The following TAS2R19 variants were observed in gnomAD, a reference collection of about 807,000 sequenced individuals.
The protein encoded by TAS2R19 is taste receptor type 2 member 19.
For synonymous variants in TAS2R19, 108 were observed against 123.4 expected (o/e 0.87, Z 0.83); for missense variants, 336 against 342.4 (o/e 0.98, Z 0.15).
Position 11,021,726 on chromosome 12 carries a change from T to A in TAS2R19, c.846A>T (p.Gly282=). 6.2e-7 allele frequency: 1 copy of A among 1,614,146 alleles called. No individual in the cohort carries two copies. Residue 282 remains glycine (G), a synonymous_variant, in exon 1 of 1, where the codon GGA becomes GGT. Coordinates refer to ENST00000390673, the MANE Select transcript of TAS2R19 (RefSeq NM_176888.2). ...GAAAGGTCTGTTTTAGCTTCCTACT[T>A]CCCATAATCAGGATGAATGAGTGGA... The part of the protein sequence containing the change: ...PSFHSFILIM[G]SRKLKQTFLS...
rs755234275 is a variant in TAS2R19 at position 11,022,240 on chromosome 12, G to T, written c.332C>A (p.Ala111Asp). ...GAGAGAAATAAGGTTGGAGAAATTG[G>T]CAATCTTGAGCAAACAAAATATGCT... The part of the protein sequence containing the change: ...SLSIFCLLKI[A>D]NFSNLISLHL... Residue 111 changes from alanine (A) to aspartate (D), a missense_variant, in exon 1 of 1, where the codon GCC (alanine) becomes GAC (aspartate). Transcript: ENST00000390673. 2.2e-5 allele frequency: 36 copies of T among 1,614,026 alleles called. No homozygotes were observed. Among genetic ancestry groups the T allele is most frequent in the Non-Finnish European group, 3.0e-5 (35 of 1,180,006 alleles).
At position 11,022,484 on chromosome 12, in the gene TAS2R19, C is replaced by G. The variant is rs148321574; in HGVS notation, c.88G>C (p.Val30Leu). ...GTGTTAACCCAGTCAATGACATTTA[C>G]TAGGGCTATGAAGCCATTGGCAACA... Reference protein sequence around the residue: ...GNVANGFIALVNVIDWVNTRK... With the variant: ...GNVANGFIALLNVIDWVNTRK... Residue 30 changes from valine (V) to leucine (L), a missense_variant, in exon 1 of 1, where the codon GTA becomes CTA. Physicochemically the swap from Val to Leu is conservative, Grantham distance 32. Transcript: ENST00000390673. 79 of 1,596,912 alleles carry G rather than the reference C, an allele frequency of 4.9e-5. No homozygotes were observed. In the Middle Eastern group the frequency reaches 6.7e-4, roughly 13 times the overall value.
In TAS2R19 at chr12:11,022,130, T is replaced by C. The variant is rs1179285466; in HGVS notation, c.442A>G (p.Thr148Ala). 1.2e-6 allele frequency: 2 copies of C among 1,613,780 alleles called. No individual in the cohort carries two copies. The change falls in exon 1 of 1, where the codon ACC becomes GCC. Residue 148 changes from threonine (T) to alanine (A), a missense_variant. By Grantham distance (58) the Thr-to-Ala change is moderately conservative. Transcript: ENST00000390673. ...VFLICNLAVI[T>A]MDERVWTKEY... ...TTTGTCCACACTCTCTCATCCATGGTTATCACAGCAAGATTACAAATCAGA... is the reference window on the plus strand; with the variant it reads ...TTTGTCCACACTCTCTCATCCATGGCTATCACAGCAAGATTACAAATCAGA...
In TAS2R19 at chr12:11,022,194, C is replaced by T; in HGVS notation, c.378G>A (p.Lys126=). ...CCAACAGTATCACCAGAACAACACT[C>T]TTAATTCTCTTCTTTAGGTGGAGAG... ...LISLHLKKRI[K]SVVLVILLGP... The change falls in exon 1 of 1, where the codon AAG becomes AAA. Residue 126 remains lysine (K), a synonymous_variant. Transcript: ENST00000390673. 6.2e-7 allele frequency: 1 copy of T among 1,614,114 alleles called. No homozygotes were observed. Among genetic ancestry groups the T allele is most frequent in the Non-Finnish European group, 8.5e-7 (1 of 1,179,988 alleles).
In TAS2R19 at chr12:11,022,311, G is replaced by C. The variant is rs569781992; in HGVS notation, c.261C>G (p.Ala87=). Reference sequence around the variant, plus strand: ...TGCTGAAATGGTTCGTTACAGCCCAGGCATTAGAAGCAACAATTCTTACTT... The same window carrying C: ...TGCTGAAATGGTTCGTTACAGCCCACGCATTAGAAGCAACAATTCTTACTT... ...GLEVRIVASN[A]WAVTNHFSMW... The change falls in exon 1 of 1, where the codon GCC becomes GCG. Residue 87 remains alanine (A), a synonymous_variant. Coordinates refer to ENST00000390673, the MANE Select transcript of TAS2R19 (RefSeq NM_176888.2). The C allele has an allele frequency of 6.2e-7, 1 of 1,614,158 alleles. No homozygotes were observed. Among genetic ancestry groups the C allele is most frequent in the South Asian group, 1.1e-5 (1 of 91,082 alleles).
Position 11,022,321 on chromosome 12 carries a change from G to A in TAS2R19, c.251C>T (p.Ala84Val), listed in dbSNP as rs763224281. 1.2e-5 allele frequency: 19 copies of A among 1,614,054 alleles called. No individual in the cohort carries two copies. In the African/African-American group the frequency reaches 2.3e-4, roughly 19 times the overall value. Residue 84 changes from alanine to valine, a missense_variant, in exon 1 of 1, where the codon GCT (alanine) becomes GTT (valine). Ala to Val is a moderately conservative substitution (Grantham distance 64, BLOSUM62 0). Coordinates refer to ENST00000390673, the MANE Select transcript of TAS2R19 (RefSeq NM_176888.2). ...ALYGLEVRIV[A>V]SNAWAVTNHF... ...GTTCGTTACAGCCCAGGCATTAGAA[G>A]CAACAATTCTTACTTCTAAACCATA...
In TAS2R19 at chr12:11,022,559, G is replaced by T. The variant is rs750313121; in HGVS notation, c.13C>A (p.Leu5Met). 6.2e-7 allele frequency: 1 copy of T among 1,605,264 alleles called. No homozygotes were observed. The highest frequency in any genetic ancestry group is 8.5e-7 in the Non-Finnish European group (1 of 1,176,160). The change falls in exon 1 of 1, where the codon CTG (leucine) becomes ATG (methionine). Residue 5 changes from leucine to methionine, a missense_variant. Coordinates refer to ENST00000390673, the MANE Select transcript of TAS2R19 (RefSeq NM_176888.2). MMCF[L>M]LIISSILVVF... Reference sequence around the variant, plus strand: ...ACCAGAATTGATGAAATGATGAGCAGAAAACACATCATGTTTGAACAGATA... The same window carrying T: ...ACCAGAATTGATGAAATGATGAGCATAAAACACATCATGTTTGAACAGATA...
Position 11,022,160 on chromosome 12 carries a change from C to A in TAS2R19, c.412G>T (p.Val138Leu). The change falls in exon 1 of 1, where the codon GTA (valine) becomes TTA (leucine). Residue 138 changes from valine to leucine, a missense_variant. Transcript: ENST00000390673. ...VVLVILLGPLVFLICNLAVIT... is the reference protein window; with the variant it reads ...VVLVILLGPLLFLICNLAVIT... ...ACAGCAAGATTACAAATCAGAAATA[C>A]CAAGGGCCCCAACAGTATCACCAGA... 1 of 1,613,918 alleles carries A rather than the reference C, an allele frequency of 6.2e-7. No individual in the cohort carries two copies. Among genetic ancestry groups the A allele is most frequent in the Non-Finnish European group, 8.5e-7 (1 of 1,179,826 alleles).
At position 11,022,388 on chromosome 12, in the gene TAS2R19, T is replaced by C; in HGVS notation, c.184A>G (p.Met62Val). The C allele has an allele frequency of 1.9e-6, 3 of 1,589,506 alleles. No homozygotes were observed. Among genetic ancestry groups the C allele is most frequent in the Non-Finnish European group, 1.7e-6 (2 of 1,168,310 alleles). Residue 62 changes from methionine to valine, a missense_variant, in exon 1 of 1, where the codon ATG (methionine) becomes GTG (valine). Physicochemically the swap from Met to Val is conservative, Grantham distance 21 (BLOSUM62 1). Transcript: ENST00000390673. ...VVSRIGLLWV[M>V]LFLWYATVFN... ...ACAGTTGCATACCAAAGGAATAACA[T>C]GACCCAGAGTAAACCAATTCTGGAG...
At position 11,022,071 on chromosome 12, in the gene TAS2R19, T is replaced by C. The variant is rs1394861984; in HGVS notation, c.501A>G (p.Lys167=). 2 of 1,613,840 alleles carry C rather than the reference T, an allele frequency of 1.2e-6. No homozygotes were observed. The highest frequency in any genetic ancestry group is 4.5e-5 in the East Asian group (2 of 44,890). ...EYEGNVTWKI[K]LRNAIHLSSL... is the part of the protein sequence containing the mutation. ...TTGAAAGGTGTATTGCATTCCTCAA[T>C]TTGATCTTCCAAGTCACATTTCCTT... The change falls in exon 1 of 1, where the codon AAA becomes AAG. Residue 167 remains lysine (K), a synonymous_variant. Coordinates refer to ENST00000390673, the MANE Select transcript of TAS2R19 (RefSeq NM_176888.2).
chr12:11,022,068 CA>C, the TAS2R19 span: 4 of 1,613,918 alleles, frequency 2.5e-6, no homozygotes, highest in Non-Finnish European at 3.4e-6. Flanking sequence ...TTGCATTCCT[CA>C]ATTTGATCTT....
In TAS2R19 at chr12:11,022,112, A is replaced by G. The variant is rs1201364115; in HGVS notation, c.460T>C (p.Trp154Arg). The G allele has an allele frequency of 1.9e-6, 3 of 1,613,766 alleles. No homozygotes were observed. In the Admixed American group the frequency reaches 5.0e-5, roughly 27 times the overall value. ...ACATTTCCTTCATATTCTTTTGTCC[A>G]CACTCTCTCATCCATGGTTATCACA... ...LAVITMDERVWTKEYEGNVTW... is the reference protein window; with the variant it reads ...LAVITMDERVRTKEYEGNVTW... Residue 154 changes from tryptophan (W) to arginine (R), a missense_variant, in exon 1 of 1, where the codon TGG becomes CGG. Transcript: ENST00000390673.
In TAS2R19 at chr12:11,022,214, G is replaced by A. The variant is rs771205863; in HGVS notation, c.358C>T (p.His120Tyr). 3.7e-6 allele frequency: 6 copies of A among 1,613,990 alleles called. No homozygotes were observed. The African/African-American group carries it at 6.7e-5, about 18-fold the overall frequency. Residue 120 changes from histidine (H) to tyrosine (Y), a missense_variant, in exon 1 of 1, where the codon CAC (histidine) becomes TAC (tyrosine). Physicochemically the swap from His to Tyr is moderately conservative, Grantham distance 83. Coordinates refer to ENST00000390673, the MANE Select transcript of TAS2R19 (RefSeq NM_176888.2). ...IANFSNLISL[H>Y]LKKRIKSVVL... ...ACACTCTTAATTCTCTTCTTTAGGTGGAGAGAAATAAGGTTGGAGAAATTG... is the reference window on the plus strand; with the variant it reads ...ACACTCTTAATTCTCTTCTTTAGGTAGAGAGAAATAAGGTTGGAGAAATTG...
At position 11,022,353 on chromosome 12, in the gene TAS2R19, A is replaced by C; in HGVS notation, c.219T>G (p.Ser73=). 1 of 1,564,940 alleles carries C rather than the reference A, an allele frequency of 6.4e-7. No homozygotes were observed. Among genetic ancestry groups the C allele is most frequent in the Non-Finnish European group, 8.7e-7 (1 of 1,154,488 alleles). ...LFLWYATVFN[S]ALYGLEVRIV... ...TTCTTACTTCTAAACCATATAAAGC[A>C]GAATTAAACACAGTTGCATACCAAA... Residue 73 remains serine (S), a synonymous_variant, in exon 1 of 1, where the codon TCT becomes TCG. Coordinates refer to ENST00000390673, the MANE Select transcript of TAS2R19 (RefSeq NM_176888.2).
At chr12:11,021,728 C>A in the TAS2R19 span, 13 of 1,513,218 alleles carry the variant, frequency 8.6e-6, no homozygotes, top group African/African-American at 1.4e-5. Context: ...TTCCTACTTC[C>A]CATAATCAGG....
Position 11,022,288 on chromosome 12 carries a change from C to T in TAS2R19, c.284G>A (p.Ser95Asn), listed in dbSNP as rs778787132. 6.2e-7 allele frequency: 1 copy of T among 1,614,208 alleles called. No homozygotes were observed. The highest frequency in any genetic ancestry group is 8.5e-7 in the Non-Finnish European group (1 of 1,180,028). ...SNAWAVTNHF[S>N]MWLAASLSIF... ...GCTGAGGCTAGCAGCAAGCCACATG[C>T]TGAAATGGTTCGTTACAGCCCAGGC... The change falls in exon 1 of 1, where the codon AGC (serine) becomes AAC (asparagine). Residue 95 changes from serine to asparagine, a missense_variant. Physicochemically the swap from Ser to Asn is conservative, Grantham distance 46 (BLOSUM62 1). Transcript: ENST00000390673.
In TAS2R19 at chr12:11,021,696, T is replaced by G; in HGVS notation, c.876A>C (p.Ser292=). 2 of 1,611,242 alleles carry G rather than the reference T, an allele frequency of 1.2e-6. No homozygotes were observed. Among genetic ancestry groups the G allele is most frequent in the South Asian group, 2.2e-5 (2 of 91,006 alleles). ...GSRKLKQTFL[S]VLWQMTR ...CTCAGCGTGTCATCTGCCACAAAAC[T>G]GAAAGAAAGGTCTGTTTTAGCTTCC... Residue 292 remains serine, a synonymous_variant, in exon 1 of 1, where the codon TCA becomes TCC. Coordinates refer to ENST00000390673, the MANE Select transcript of TAS2R19 (RefSeq NM_176888.2).
chr12:11,021,992 AT>A, the TAS2R19 span: 35 of 1,594,140 alleles, frequency 2.2e-5, no homozygotes, highest in Non-Finnish European at 2.9e-5. Context: ...AGCAGAAAAC[AT>A]ATTAGGCTCA....
Position 11,022,168 on chromosome 12 carries a change from C to T in TAS2R19, c.404G>A (p.Gly135Glu). 1 of 1,613,958 alleles carries T rather than the reference C, an allele frequency of 6.2e-7. No homozygotes were observed. The highest frequency in any genetic ancestry group is 8.5e-7 in the Non-Finnish European group (1 of 1,179,896). Residue 135 changes from glycine (G) to glutamate (E), a missense_variant, in exon 1 of 1, where the codon GGG becomes GAG. Gly to Glu is a moderately conservative substitution (Grantham distance 98). Transcript: ENST00000390673. ...IKSVVLVILL[G>E]PLVFLICNLA... is the part of the protein sequence containing the mutation. The stretch of plus-strand genomic sequence containing the variant: ...ATTACAAATCAGAAATACCAAGGGC[C>T]CCAACAGTATCACCAGAACAACACT...
Sources: allele counts gnomAD v4.1 joint callset, GRCh38; gene constraint gnomAD v4.1.1; transcripts MANE v1.5; gene names NCBI Gene and HGNC (gene_info 2026-07-23, HGNC 2026-07-21).